Variants in DLGAP1 observed in about 807,000 individuals in gnomAD.
DLGAP1 encodes the protein disks large-associated protein 1.
A neutral mutation model predicts 90.8 loss-of-function variants in DLGAP1; 11 were observed. That is an observed-to-expected ratio of 0.12 (90% CI 0.08 to 0.20). DLGAP1 has a LOEUF of 0.20. Ranked by LOEUF, DLGAP1 falls within the 10% of genes least tolerant of loss-of-function variation. The pLI is 1.00. For missense variants in DLGAP1, 1,050 were observed against 1,333.8 expected, an observed-to-expected ratio of 0.79 and a Z score of 3.31; for synonymous variants, 558 against 540.7, an observed-to-expected ratio of 1.03 and a Z score of -0.44.
At chr18:3,523,754 A>C (rs1364863600) in intron 10 of DLGAP1, among the ~76,000 whole-genome samples, 1 of 151,872 alleles carries the variant, frequency 6.6e-6, no homozygotes. Flanking sequence ...AGGCTGAGGC[A>C]GGAGAATGGT....
At chr18:4,321,754 T>G (rs1370341750) in intron 1 of DLGAP1, among the ~76,000 whole-genome samples, 2 of 152,228 alleles carry the variant, frequency 1.3e-5, no homozygotes, top group Non-Finnish European at 2.9e-5. Context: ...ATTTCTTGTT[T>G]CTAGGTATTA....
chr18:3,820,391 G>C (rs1866826999), intron 4 of DLGAP1, among the ~76,000 whole-genome samples: 1 of 152,176 alleles, frequency 6.6e-6, no homozygotes, highest in African/African-American at 2.4e-5. Flanking sequence ...ATTTCATCAG[G>C]AACCAAAGAA....
At chr18:3,534,129 G>A in intron 10 of DLGAP1, 65 bp downstream of exon 10, 1 of 1,533,254 alleles carries the variant, frequency 6.5e-7, no homozygotes. Context: ...AAAACAACAA[G>A]GTCTGCACAC....
chr18:3,931,839 C>A (rs1431511699), intron 3 of DLGAP1, among the ~76,000 whole-genome samples: 1 of 152,092 alleles, frequency 6.6e-6, no homozygotes, highest in African/African-American at 2.4e-5. Flanking sequence ...AAATATAGCA[C>A]CCAGTAAGGA....
At chr18:3,881,617 T>C (rs958928068) in intron 3 of DLGAP1, among the ~76,000 whole-genome samples, 3 of 152,022 alleles carry the variant, frequency 2.0e-5, no homozygotes, top group African/African-American at 7.3e-5. Context: ...AAAATGTGAG[T>C]TAAAAAACAA....
intron 7 of DLGAP1, among the ~76,000 whole-genome samples, chr18:3,619,156 G>A (rs1238832972): frequency 6.6e-6 from 1 of 152,154 alleles, no homozygotes; most frequent in Non-Finnish European, 1.5e-5. Flanking sequence ...GAACTGTGAG[G>A]AAATAAGCTT....
In DLGAP1 at chr18:4,259,788, G is replaced by T. The variant is rs182960210; in HGVS notation, c.-266-108501C>A. Among the ~76,000 whole-genome samples, 24 of 152,268 alleles carry T rather than the reference G, an allele frequency of 1.6e-4. No individual in the cohort carries two copies. The East Asian group carries it at 2.5e-3, about 16-fold the overall frequency. On this transcript the variant is annotated intron_variant, in intron 1 of 12. Coordinates refer to ENST00000315677, the MANE Select transcript of DLGAP1 (RefSeq NM_004746.4). Reference sequence around the variant, plus strand: ...TAAAATAGTTAGCTAATTTCAAGGGGTCTATTGTGCCCTTAGAGAGAGGAT... The same window carrying T: ...TAAAATAGTTAGCTAATTTCAAGGGTTCTATTGTGCCCTTAGAGAGAGGAT...
At chr18:3,649,716 C>T (rs1393101551) in intron 7 of DLGAP1, among the ~76,000 whole-genome samples, 2 of 151,774 alleles carry the variant, frequency 1.3e-5, no homozygotes, top group Non-Finnish European at 2.9e-5. Flanking sequence ...AAACTTTCTT[C>T]TACACTGTGC....
At chr18:4,035,150 GTC>G (rs1313741197) in intron 2 of DLGAP1, among the ~76,000 whole-genome samples, 1 of 152,188 alleles carries the variant, frequency 6.6e-6, no homozygotes, top group Non-Finnish European at 1.5e-5. Context: ...ACGTGCATGT[GTC>G]TTTATAGCAG....
intron 3 of DLGAP1, among the ~76,000 whole-genome samples, chr18:3,973,289 C>CAAA (rs1181779695): frequency 1.2e-4 from 3 of 24,652 alleles, no homozygotes; most frequent in Non-Finnish European, 2.1e-4. Flanking sequence ...ATAGCCATAG[C>CAAA]CAAAAAAAAA....
chr18:4,350,187 T>G (rs2081378143), intron 1 of DLGAP1, among the ~76,000 whole-genome samples: 1 of 152,142 alleles, frequency 6.6e-6, no homozygotes, highest in African/African-American at 2.4e-5. Context: ...TATCCTGGTT[T>G]TTGCTATAAA....
At chr18:4,283,777 A>C (rs1025881941) in intron 1 of DLGAP1, among the ~76,000 whole-genome samples, 1 of 151,642 alleles carries the variant, frequency 6.6e-6, no homozygotes. Flanking sequence ...AGTTTTATTC[A>C]ATATAGTTAA....
At chr18:3,556,271 T>A (rs1219029039) in intron 9 of DLGAP1, among the ~76,000 whole-genome samples, 3 of 149,294 alleles carry the variant, frequency 2.0e-5, no homozygotes, top group African/African-American at 7.4e-5. Context: ...GCACTTTTGG[T>A]GCAGTTCAGG....
intron 2 of DLGAP1, among the ~76,000 whole-genome samples, chr18:4,105,023 A>T (rs868691437): frequency 2.0e-5 from 3 of 152,224 alleles, no homozygotes; most frequent in South Asian, 4.1e-4. Context: ...ACACACACAC[A>T]TGCACACATG....
rs113859041 is a variant in DLGAP1 at position 4,075,980 on chromosome 18, A to C, written c.-158-70779T>G. Reference sequence around the variant, plus strand: ...CGCTATAGCTCTAGGGCTCTTTTGCAGTTAACTCTTGGTCGCTCTCCCTCT... The same window carrying C: ...CGCTATAGCTCTAGGGCTCTTTTGCCGTTAACTCTTGGTCGCTCTCCCTCT... On this transcript the variant is annotated intron_variant, in intron 2 of 12. Coordinates refer to ENST00000315677, the MANE Select transcript of DLGAP1 (RefSeq NM_004746.4). Among the ~76,000 whole-genome samples, 700 of 152,262 alleles carry C rather than the reference A, an allele frequency of 4.6e-3. 3 individuals carry two copies. The highest frequency in any genetic ancestry group is 6.6e-3 in the Non-Finnish European group (450 of 68,022).
chr18:3,607,019 G>C (rs1203189751), intron 7 of DLGAP1: 1 of 151,720 alleles, frequency 6.6e-6, no homozygotes, highest in Non-Finnish European at 1.5e-5. Flanking sequence ...AGTAGAGAAG[G>C]GGTTTCGCCA....
chr18:4,145,322 T>G (rs1179383166), intron 2 of DLGAP1, among the ~76,000 whole-genome samples: 1 of 152,206 alleles, frequency 6.6e-6, no homozygotes, highest in Non-Finnish European at 1.5e-5. Flanking sequence ...AGTTTTTAGT[T>G]TCTAAATTAT....
rs1158686543 is a variant in DLGAP1 at position 3,765,116 on chromosome 18, ACTTTTTTTTTTTT to A, written c.1173-22617_1173-22605del. The stretch of plus-strand genomic sequence containing the variant: ...TCAGAATCTCCATGCACACTTGCAA[ACTTTTTTTTTTTT>A]CTTTTTTTTTTTTTTTGAGACAGAG... On this transcript the variant is annotated intron_variant, in intron 5 of 12. Transcript: ENST00000315677. 5.8e-5 allele frequency among the ~76,000 whole-genome samples: 7 copies of A among 120,868 alleles called. No individual in the cohort carries two copies. In the South Asian group the frequency reaches 9.1e-4, roughly 16 times the overall value. The allele number at this position is 120,868 out of a possible 152,430, so 79.3% of individuals were successfully genotyped here. A position where few individuals can be genotyped will look rare whatever the true frequency, so the allele number is the denominator to read the frequency against.
chr18:3,948,830 C>T (rs969116131), intron 3 of DLGAP1, among the ~76,000 whole-genome samples: 5 of 151,942 alleles, frequency 3.3e-5, no homozygotes, highest in Admixed American at 1.3e-4. Flanking sequence ...GTATACTGCT[C>T]GGGTGATGGG....
Sources: allele counts gnomAD v4.1 joint callset (sites outside exome capture counted in the v4.1 genomes callset), GRCh38; gene constraint gnomAD v4.1.1; transcripts MANE v1.5; gene names NCBI Gene and HGNC (gene_info 2026-07-23, HGNC 2026-07-21).